Variants in CAMKMT observed in about 807,000 individuals in gnomAD.
CAMKMT encodes the protein calmodulin-lysine N-methyltransferase.
CAMKMT carries 53 observed loss-of-function variants against 48.0 expected under a neutral mutation model. The ratio of observed to expected loss-of-function variants is 1.10; its 90% CI spans 0.89 to 1.39. The LOEUF (loss-of-function observed/expected upper bound fraction) is 1.39. CAMKMT is among the 40% of genes most tolerant of loss of function. CAMKMT has a pLI of 0.00. For synonymous variants in CAMKMT, 165 were observed against 152.3 expected, an observed-to-expected ratio of 1.08 and a Z score of -0.61; for missense variants, 428 against 402.7, an observed-to-expected ratio of 1.06 and a Z score of -0.54.
chr2:44,402,289 A>G (rs1682443837), intron 3 of CAMKMT, among the ~76,000 whole-genome samples: 1 of 112,938 alleles, frequency 8.9e-6, no homozygotes, highest in Non-Finnish European at 2.1e-5. Context: ...ATATCGCACC[A>G]TTGCACCCCA....
chr2:44,557,389 A>C (rs942141312), intron 3 of CAMKMT, among the ~76,000 whole-genome samples: 30 of 152,150 alleles, frequency 2.0e-4, no homozygotes, highest in Non-Finnish European at 2.8e-4. Flanking sequence ...AACGGTGCTT[A>C]AGAAGGTAGT....
At chr2:44,526,518 C>G (rs1391318604) in intron 3 of CAMKMT, among the ~76,000 whole-genome samples, 1 of 152,190 alleles carries the variant, frequency 6.6e-6, no homozygotes, top group Non-Finnish European at 1.5e-5. Context: ...GGACCAAGAA[C>G]CAGGTGGCCA....
intron 2 of CAMKMT, among the ~76,000 whole-genome samples, chr2:44,386,077 G>A (rs1234464012): frequency 6.6e-6 from 1 of 152,074 alleles, no homozygotes; most frequent in Admixed American, 6.5e-5. Context: ...ATGTCTGGTA[G>A]AATTCTGCTG....
intron 7 of CAMKMT, among the ~76,000 whole-genome samples, chr2:44,740,756 G>A (rs555187573): frequency 3.3e-5 from 5 of 152,272 alleles, no homozygotes; most frequent in African/African-American, 9.6e-5. Context: ...AGAGGGACAA[G>A]GAAGTTGAGG....
chr2:44,423,204 G>C (rs1443641473), intron 3 of CAMKMT, among the ~76,000 whole-genome samples: 2 of 151,850 alleles, frequency 1.3e-5, no homozygotes, highest in Non-Finnish European at 2.9e-5. Flanking sequence ...TTTTGAGACA[G>C]AGTCTCCCTC....
chr2:44,766,160 C>T (rs898908544), intron 9 of CAMKMT, among the ~76,000 whole-genome samples: 1 of 152,192 alleles, frequency 6.6e-6, no homozygotes, highest in African/African-American at 2.4e-5. Flanking sequence ...GTTCGGAACA[C>T]CGGCTTTCAA....
At chr2:44,728,600 T>A (rs1047671328) in intron 7 of CAMKMT, among the ~76,000 whole-genome samples, 1 of 152,144 alleles carries the variant, frequency 6.6e-6, no homozygotes, top group Non-Finnish European at 1.5e-5. Flanking sequence ...GAAGTTGATG[T>A]TGGTCTATGC....
At chr2:44,538,404 A>G (rs927114226) in intron 3 of CAMKMT, among the ~76,000 whole-genome samples, 1 of 152,038 alleles carries the variant, frequency 6.6e-6, no homozygotes, top group Non-Finnish European at 1.5e-5. Context: ...AAGAAAAAAG[A>G]AAATGTAGTA....
chr2:44,535,274 G>A (rs1481008538), intron 3 of CAMKMT, among the ~76,000 whole-genome samples: 2 of 152,070 alleles, frequency 1.3e-5, no homozygotes. Flanking sequence ...ACAAAGAAAA[G>A]CCCAGGATTA....
chr2:44,735,007 A>G (rs1679280621), intron 7 of CAMKMT, among the ~76,000 whole-genome samples: 1 of 152,124 alleles, frequency 6.6e-6, no homozygotes, highest in African/African-American at 2.4e-5. Context: ...ACTTCTATCC[A>G]TTTCAGCTTC....
chr2:44,490,997 A>G (rs1669472021), intron 3 of CAMKMT, among the ~76,000 whole-genome samples: 1 of 151,908 alleles, frequency 6.6e-6, no homozygotes, highest in African/African-American at 2.4e-5. Flanking sequence ...AAAAAATACA[A>G]AAAAAATTAG....
intron 3 of CAMKMT, among the ~76,000 whole-genome samples, chr2:44,507,453 C>G (rs1670320034): frequency 6.6e-6 from 1 of 152,030 alleles, no homozygotes; most frequent in Non-Finnish European, 1.5e-5. Context: ...AAGCACTGAA[C>G]CAAATTCATG....
At chr2:44,480,817 A>G (rs991240701) in intron 3 of CAMKMT, among the ~76,000 whole-genome samples, 1 of 152,132 alleles carries the variant, frequency 6.6e-6, no homozygotes, top group African/African-American at 2.4e-5. Context: ...GAACTAATCT[A>G]AAGCTGTGAA....
Position 44,508,989 on chromosome 2 carries a change from G to A in CAMKMT, c.376+118684G>A, listed in dbSNP as rs200151884. Reference sequence around the variant, plus strand: ...CATGTGCCTGTAGTCCCAGCTACTCGGGAGGCTGAGACAGGAGAATTGCTT... The same window carrying A: ...CATGTGCCTGTAGTCCCAGCTACTCAGGAGGCTGAGACAGGAGAATTGCTT... On this transcript the variant is annotated intron_variant, in intron 3 of 10. Transcript: ENST00000378494. Among the ~76,000 whole-genome samples the A allele has an allele frequency of 4.1e-4, 63 of 151,930 alleles. No homozygotes were observed. In the East Asian group the frequency reaches 0.011, roughly 27 times the overall value.
At chr2:44,402,740 G>GTTTTTTTTTTTTTTTTTTTTTTCTTTTT in intron 3 of CAMKMT, among the ~76,000 whole-genome samples, 7 of 94,084 alleles carry the variant, frequency 7.4e-5, no homozygotes, top group Non-Finnish European at 1.3e-4. Flanking sequence ...TTGTTTTGCT[G>GTTTTTTTTTTTTTTTTTTTTTTCTTTTT]TTTTTTTTTT....
At chr2:44,514,923 A>G (rs1265468695) in intron 3 of CAMKMT, among the ~76,000 whole-genome samples, 1 of 152,158 alleles carries the variant, frequency 6.6e-6, no homozygotes, top group Non-Finnish European at 1.5e-5. Context: ...GACTTATGGG[A>G]TGGGACAGAT....
chr2:44,713,875 A>G (rs1227385709), intron 6 of CAMKMT, among the ~76,000 whole-genome samples: 1 of 152,152 alleles, frequency 6.6e-6, no homozygotes, highest in African/African-American at 2.4e-5. Context: ...TGCTTTGAGC[A>G]TTCAGGAAAT....
At chr2:44,393,889 C>G (rs1037877086) in intron 3 of CAMKMT, among the ~76,000 whole-genome samples, 7 of 152,176 alleles carry the variant, frequency 4.6e-5, no homozygotes, top group African/African-American at 1.7e-4. Context: ...AATCATTTTC[C>G]TTTTCTCCAA....
intron 3 of CAMKMT, among the ~76,000 whole-genome samples, chr2:44,605,866 C>A (rs545313332): frequency 2.8e-4 from 42 of 152,152 alleles, no homozygotes; most frequent in Non-Finnish European, 4.6e-4. Context: ...AGGAAAAAAA[C>A]CACTCATACA....
Sources: allele counts gnomAD v4.1 joint callset (sites outside exome capture counted in the v4.1 genomes callset), GRCh38; gene constraint gnomAD v4.1.1; transcripts MANE v1.5; gene names NCBI Gene and HGNC (gene_info 2026-07-23, HGNC 2026-07-21).